The following CAPN2 variants were observed in gnomAD, a reference collection of about 807,000 sequenced individuals.
The protein encoded by CAPN2 is calpain 2.
A neutral mutation model predicts 102.3 loss-of-function variants in CAPN2; 92 were observed. The observed-to-expected ratio is 0.90, with a 90% CI of 0.76 to 1.07. The LOEUF is 1.07. Ranked by LOEUF, CAPN2 falls within the 50% of genes least tolerant of loss-of-function variation. The pLI is 0.00. For missense variants in CAPN2, 800 were observed against 909.4 expected (o/e 0.88, Z 1.55); for synonymous variants, 340 against 355.4 (o/e 0.96, Z 0.49).
chr1:223,762,817 A>C (rs1661220720), intron 14 of CAPN2, among the ~76,000 whole-genome samples: 1 of 152,146 alleles, frequency 6.6e-6, no homozygotes, highest in Non-Finnish European at 1.5e-5. Flanking sequence ...AGTAGCTGGG[A>C]CTATAGGTGC....
At chr1:223,765,714 G>GAA (rs1661295733) in intron 15 of CAPN2, among the ~76,000 whole-genome samples, 1 of 151,820 alleles carries the variant, frequency 6.6e-6, no homozygotes, top group African/African-American at 2.4e-5. Flanking sequence ...GACCATCTAA[G>GAA]GGGTTGGTGC....
intron 15 of CAPN2, among the ~76,000 whole-genome samples, chr1:223,765,089 G>A (rs953305515): frequency 7.2e-5 from 11 of 152,240 alleles, no homozygotes; most frequent in African/African-American, 2.7e-4. Flanking sequence ...CATATCAGAA[G>A]TTAGGAATCT....
intron 16 of CAPN2, among the ~76,000 whole-genome samples, chr1:223,769,254 A>G (rs1331284077): frequency 6.6e-6 from 1 of 152,030 alleles, no homozygotes; most frequent in Non-Finnish European, 1.5e-5. Context: ...CCTAGTAGCT[A>G]GGACTACAGG....
intron 1 of CAPN2, among the ~76,000 whole-genome samples, chr1:223,704,660 G>A (rs1264045757): frequency 6.6e-6 from 1 of 152,192 alleles, no homozygotes; most frequent in African/African-American, 2.4e-5. Flanking sequence ...GAAATGAGAA[G>A]GGTATCTGAA....
chr1:223,708,679 G>A (rs1241085888), upstream of CAPN2, among the ~76,000 whole-genome samples: 1 of 151,916 alleles, frequency 6.6e-6, no homozygotes, highest in African/African-American at 2.4e-5. Context: ...GCTGAGGCAG[G>A]AGAATCACTT....
In CAPN2 at chr1:223,756,885, G is replaced by C. The variant is rs190332419; in HGVS notation, c.1306-484G>C. On this transcript the variant is annotated intron_variant, in intron 10 of 20. Transcript: ENST00000295006. This position sits in a 1 kb window ranked among gnomAD's most constrained non-coding sequence, Gnocchi z 4.1. ...AGCCACGGGCTTTCAGAGTTGGGACGGACCTTGGGGATCACTGGGTCCTAT... is the reference window on the plus strand; with the variant it reads ...AGCCACGGGCTTTCAGAGTTGGGACCGACCTTGGGGATCACTGGGTCCTAT... Among the ~76,000 whole-genome samples the C allele has an allele frequency of 6.6e-6, 1 of 152,178 alleles. No individual in the cohort carries two copies. The highest frequency in any genetic ancestry group is 1.5e-5 in the Non-Finnish European group (1 of 68,026).
chr1:223,770,738 T>G, intron 18 of CAPN2: 1 of 399,346 alleles, frequency 2.5e-6, no homozygotes, highest in South Asian at 3.5e-5. Context: ...CCTTCTTGAA[T>G]CCAAGTTTCC....
chr1:223,751,629 G>A (rs550539300), intron 7 of CAPN2, among the ~76,000 whole-genome samples: 1 of 152,086 alleles, frequency 6.6e-6, no homozygotes, highest in African/African-American at 2.4e-5. Context: ...TCAGCCGGAG[G>A]CTCCTCATCA....
In CAPN2 at chr1:223,759,174, CACA is replaced by C; in HGVS notation, c.1318-95_1318-93del. The C allele has an allele frequency of 8.4e-7, 1 of 1,190,080 alleles. No individual in the cohort carries two copies. The highest frequency in any genetic ancestry group is 1.2e-6 in the Non-Finnish European group (1 of 809,158). The allele number at this position is 1,190,080 out of a possible 1,614,324, so 73.7% of individuals were successfully genotyped here. A position where few individuals can be genotyped will look rare whatever the true frequency, so the allele number is the denominator to read the frequency against. On this transcript the variant is annotated intron_variant, in intron 11 of 20. Coordinates refer to ENST00000295006, the MANE Select transcript of CAPN2 (RefSeq NM_001748.5). This position sits in a 1 kb window ranked among gnomAD's most constrained non-coding sequence, Gnocchi z 4.6. ...CACCAGGACAGCAGGACTGAGCCAC[CACA>C]CTACCCAACTGCTTTTATCTCAGTG...
At chr1:223,737,048 TAAA>T (rs1343471421) in intron 2 of CAPN2, among the ~76,000 whole-genome samples, 5 of 151,098 alleles carry the variant, frequency 3.3e-5, no homozygotes, top group Non-Finnish European at 7.4e-5. Flanking sequence ...CAAAAAAAAA[TAAA>T]AATAAGAATA....
At chr1:223,771,972 A>C (rs776051704) in intron 19 of CAPN2, 47 bp downstream of exon 19, 2 of 1,379,386 alleles carry the variant, frequency 1.4e-6, no homozygotes, top group South Asian at 2.3e-5. Context: ...TCTTGGTATT[A>C]AAGTGGCCTG....
intron 2 of CAPN2, among the ~76,000 whole-genome samples, chr1:223,730,848 T>G (rs921005174): frequency 1.3e-5 from 2 of 152,198 alleles, no homozygotes; most frequent in Admixed American, 1.3e-4. Flanking sequence ...TAGGCTGAGG[T>G]GTATTAAATG....
At chr1:223,751,934 C>T in intron 7 of CAPN2, 63 bp from the exon 8 acceptor site, 1 of 1,133,616 alleles carries the variant, frequency 8.8e-7, no homozygotes, top group East Asian at 2.4e-5. Flanking sequence ...TCTTCCTCAA[C>T]TCTGGGGCCT....
At chr1:223,765,613 A>C (rs1661292967) in intron 15 of CAPN2, among the ~76,000 whole-genome samples, 1 of 151,996 alleles carries the variant, frequency 6.6e-6, no homozygotes, top group African/African-American at 2.4e-5. Flanking sequence ...CTCTGAGCTT[A>C]CTACCCTACC....
intron 1 of CAPN2, among the ~76,000 whole-genome samples, chr1:223,705,247 T>C (rs901622423): frequency 6.6e-5 from 10 of 152,206 alleles, no homozygotes; most frequent in African/African-American, 1.7e-4. Flanking sequence ...ATGTCTCCTA[T>C]GGTTACCTAA....
At chr1:223,732,687 G>T (rs745513082) in intron 2 of CAPN2, among the ~76,000 whole-genome samples, 2 of 152,178 alleles carry the variant, frequency 1.3e-5, no homozygotes, top group African/African-American at 2.4e-5. Context: ...CAGCCCAGTA[G>T]GTCTCAGCCT....
intron 15 of CAPN2, among the ~76,000 whole-genome samples, chr1:223,765,170 T>G (rs1215359141): frequency 1.3e-5 from 2 of 152,224 alleles, no homozygotes. Flanking sequence ...AGAAGCCTCA[T>G]GGACTTCAAG....
At chr1:223,748,929 C>T in intron 5 of CAPN2, 110 bp from the exon 6 acceptor site, 1 of 981,698 alleles carries the variant, frequency 1.0e-6, no homozygotes, top group South Asian at 1.4e-5. Context: ...GCCTCGGCCG[C>T]TGCGCTAGTG....
At chr1:223,710,956 TC>T (rs1275873858), upstream of CAPN2, among the ~76,000 whole-genome samples, 1 of 152,144 alleles carries the variant, frequency 6.6e-6, no homozygotes, top group Admixed American at 6.6e-5. Flanking sequence ...CGGGCACATG[TC>T]CTCAGGACTT....
Sources: allele counts gnomAD v4.1 joint callset (sites outside exome capture counted in the v4.1 genomes callset), GRCh38; gene constraint gnomAD v4.1.1; non-coding constraint Gnocchi (gnomAD v3.1); transcripts MANE v1.5; gene names NCBI Gene and HGNC (gene_info 2026-07-23, HGNC 2026-07-21).